Variants in GAD1 observed in about 807,000 individuals in gnomAD.
The protein encoded by GAD1 is 67 kDa glutamic acid decarboxylase.
In GAD1, 35 loss-of-function variants were observed where a neutral mutation model predicts 75.2. The observed-to-expected ratio is 0.47, with a 90% CI of 0.36 to 0.62. GAD1 has a LOEUF of 0.62. Ranked by LOEUF, GAD1 falls within the 20% of genes least tolerant of loss-of-function variation. GAD1 has a pLI of 0.00. For synonymous variants in GAD1, 257 were observed against 271.9 expected (o/e 0.95, Z 0.54); for missense variants, 490 against 758.5 (o/e 0.65, Z 4.16).
chr2:170,857,920 A>C (rs1156448381), intron 15 of GAD1, among the ~76,000 whole-genome samples: 1 of 152,262 alleles, frequency 6.6e-6, no homozygotes, highest in Non-Finnish European at 1.5e-5. Context: ...AAGATAGAAT[A>C]GGAGCCAGTG....
At chr2:170,846,086 G>C (rs368405000) in intron 10 of GAD1, 23 bp downstream of exon 10, 5 of 1,597,596 alleles carry the variant, frequency 3.1e-6, no homozygotes, top group South Asian at 1.1e-5. Context: ...TGGTGCATCT[G>C]AACTCCAGTT....
At chr2:170,844,407 CTTTTTT>C (rs11327360) in intron 7 of GAD1, among the ~76,000 whole-genome samples, 4 of 124,514 alleles carry the variant, frequency 3.2e-5, no homozygotes, top group Admixed American at 8.6e-5. Flanking sequence ...TTTCTTTTTT[CTTTTTT>C]TTTTTTTTTT....
rs1702868241 is a variant in GAD1, at chr2:170,857,076, A to G, written c.1472A>G (p.Tyr491Cys). 1.2e-6 allele frequency: 2 copies of G among 1,613,880 alleles called. No homozygotes were observed. The highest frequency in any genetic ancestry group is 1.7e-6 in the Non-Finnish European group (2 of 1,179,968). Reference sequence around the variant, plus strand: ...TGCCTGGAACTGGCTGAATACCTCTATGCCAAGATTAAAAACAGAGAAGAA... The same window carrying G: ...TGCCTGGAACTGGCTGAATACCTCTGTGCCAAGATTAAAAACAGAGAAGAA... ...NKCLELAEYL[Y>C]AKIKNREEFE... Residue 491 changes from tyrosine to cysteine, a missense_variant, in exon 15 of 17, where the codon TAT (tyrosine) becomes TGT (cysteine). Transcript: ENST00000358196.
chr2:170,821,861 C>T (rs1319718242), intron 2 of GAD1: 3 of 563,554 alleles, frequency 5.3e-6, no homozygotes, highest in Non-Finnish European at 9.6e-6. Flanking sequence ...CTCTCAGAGA[C>T]ACCGTTCCAT....
At chr2:170,819,891 C>G (rs1481485246) in intron 2 of GAD1, among the ~76,000 whole-genome samples, 1 of 152,142 alleles carries the variant, frequency 6.6e-6, no homozygotes, top group Non-Finnish European at 1.5e-5. Context: ...GGCATTGGCT[C>G]CCGGGCAGGA....
At chr2:170,852,481 A>T in intron 12 of GAD1, 2 of 568,782 alleles carry the variant, frequency 3.5e-6, no homozygotes, top group Non-Finnish European at 6.3e-6. Flanking sequence ...ACATATAATA[A>T]GTTATTCATA....
intron 4 of GAD1, among the ~76,000 whole-genome samples, chr2:170,830,152 G>A (rs374859668): frequency 3.3e-5 from 5 of 152,244 alleles, no homozygotes; most frequent in African/African-American, 9.6e-5. Context: ...AGGTAGATCC[G>A]CTTCCATCCC....
intron 5 of GAD1, among the ~76,000 whole-genome samples, chr2:170,835,643 A>G (rs1702352411): frequency 1.3e-5 from 2 of 152,208 alleles, no homozygotes. Flanking sequence ...TGTTTCTGCC[A>G]AGCTGTATGG....
intron 12 of GAD1, 184 bp from the exon 13 acceptor site, chr2:170,852,530 T>C: frequency 4.7e-6 from 3 of 644,498 alleles, no homozygotes; most frequent in Non-Finnish European, 2.8e-6. Context: ...TTCTAAGATA[T>C]AGTCCGTAAT....
intron 1 of GAD1, chr2:170,817,599 GGCGCCATC>G (rs1486206770): frequency 6.6e-6 from 1 of 152,316 alleles, no homozygotes; most frequent in Non-Finnish European, 1.5e-5. Flanking sequence ...GGGGCCTTCG[GGCGCCATC>G]GCGCCAGCGC....
chr2:170,815,151 G>T (rs1300817731), upstream of GAD1, among the ~76,000 whole-genome samples: 1 of 152,126 alleles, frequency 6.6e-6, no homozygotes, highest in African/African-American at 2.4e-5. Context: ...GCTTCACCTG[G>T]TTGTATGCCG....
At chr2:170,831,686 AAAT>A (rs1468959172) in intron 5 of GAD1, among the ~76,000 whole-genome samples, 1 of 137,660 alleles carries the variant, frequency 7.3e-6, no homozygotes, top group African/African-American at 2.6e-5. Context: ...TTAATATAAT[AAAT>A]AAATAATAAT....
chr2:170,820,040 C>A (rs1027947139), intron 2 of GAD1, among the ~76,000 whole-genome samples: 3 of 152,218 alleles, frequency 2.0e-5, no homozygotes, highest in African/African-American at 7.2e-5. Flanking sequence ...ATGAACCAGG[C>A]ACCGGCGTTG....
intron 2 of GAD1, chr2:170,821,769 G>A (rs969132843): frequency 4.0e-5 from 17 of 428,606 alleles, no homozygotes; most frequent in African/African-American, 3.2e-4. Context: ...GTGTGGGTCA[G>A]CCTTCACCCA....
Position 170,818,684 on chromosome 2 carries a change from C to T in GAD1, c.82+11C>T. On this transcript the variant is annotated intron_variant, in intron 2 of 16. Coordinates refer to ENST00000358196, the MANE Select transcript of GAD1 (RefSeq NM_000817.3). The surrounding 1 kb of genome is among the most constrained non-coding windows in gnomAD (Gnocchi z 5.9). ...ACCTGCGCCCCACAAGTAGGTCCCG[C>T]CCCAATTTTCTATCAAATGAACTGC... is the stretch of plus-strand genomic sequence containing the variant. 1 of 1,613,390 alleles carries T rather than the reference C, an allele frequency of 6.2e-7. No individual in the cohort carries two copies.
At chr2:170,843,619 C>CTTTTTTTT (rs56763249) in intron 6 of GAD1, among the ~76,000 whole-genome samples, 1 of 134,144 alleles carries the variant, frequency 7.5e-6, no homozygotes, top group South Asian at 2.3e-4. Context: ...TGGCAGTCAG[C>CTTTTTTTT]TTTTTTTTTT....
At position 170,860,826 on chromosome 2, in the gene GAD1, A is replaced by G. The variant is rs2105818236; in HGVS notation, c.*944A>G. The G allele has an allele frequency of 6.5e-6, 1 of 152,758 alleles. No homozygotes were observed. The highest frequency in any genetic ancestry group is 2.1e-4 in the South Asian group (1 of 4,826). The allele number at this position is 152,758 out of a possible 1,614,324, so 9.5% of individuals were successfully genotyped here. ...ATTCTAAGATTGTACATAAAGTCATATATATGGAAATCCTGTTACTTAAAT... is the reference window on the plus strand; with the variant it reads ...ATTCTAAGATTGTACATAAAGTCATGTATATGGAAATCCTGTTACTTAAAT... On this transcript the variant is annotated 3_prime_UTR_variant, in exon 17 of 17. Transcript: ENST00000358196.
chr2:170,849,483 C>G (rs923004230), intron 12 of GAD1, 133 bp downstream of exon 12: 1 of 810,652 alleles, frequency 1.2e-6, no homozygotes, highest in Non-Finnish European at 2.1e-6. Context: ...GTTCAGCAGG[C>G]ATTTGTTGAG....
At position 170,832,662 on chromosome 2, in the gene GAD1, G is replaced by A. The variant is rs201146990; in HGVS notation, c.547+1470G>A. ...GACACAGGCACACATGCGCGCGCGC[G>A]CGCACACACACACACACACACACAC... On this transcript the variant is annotated intron_variant, in intron 5 of 16. Transcript: ENST00000358196. Among the ~76,000 whole-genome samples, 1,413 of 128,476 alleles carry A rather than the reference G, an allele frequency of 0.011. 118 individuals are homozygous for A. The East Asian group carries it at 0.21, about 19-fold the overall frequency. The allele number at this position is 128,476 out of a possible 152,430, so 84.3% of individuals were successfully genotyped here.
Sources: gnomAD v4.1 joint callset for allele counts (sites outside exome capture counted in the v4.1 genomes callset) on GRCh38, gnomAD v4.1.1 for gene constraint, Gnocchi (gnomAD v3.1) non-coding constraint, MANE v1.5 for transcripts, NCBI Gene and HGNC (gene_info 2026-07-23, HGNC 2026-07-21) for gene names.